Variants in BCL2 observed in about 807,000 individuals in gnomAD.
The protein encoded by BCL2 is apoptosis regulator Bcl-2.
BCL2 carries 1 observed loss-of-function variant against 14.2 expected under a neutral mutation model. The ratio of observed to expected loss-of-function variants is 0.07; its 90% CI spans 0.02 to 0.33. BCL2 has a LOEUF of 0.33. Ranked by LOEUF, BCL2 falls within the 10% of genes least tolerant of loss-of-function variation. BCL2 has a pLI of 0.99. For synonymous variants in BCL2, 151 were observed against 137.2 expected, an observed-to-expected ratio of 1.10 and a Z score of -0.70; for missense variants, 247 against 305.9, an observed-to-expected ratio of 0.81 and a Z score of 1.44.
At chr18:63,156,958 T>C (rs990866349) in intron 2 of BCL2, among the ~76,000 whole-genome samples, 3 of 152,246 alleles carry the variant, frequency 2.0e-5, no homozygotes, top group Non-Finnish European at 4.4e-5. Context: ...AGCTAGCTGG[T>C]GAGTAGCTAC....
chr18:63,166,571 C>A (rs891833846), intron 2 of BCL2, among the ~76,000 whole-genome samples: 1 of 152,192 alleles, frequency 6.6e-6, no homozygotes, highest in Non-Finnish European at 1.5e-5. Flanking sequence ...TGGTGAAATA[C>A]ATTTTTTGGA....
chr18:63,195,576 C>T (rs1228600856), intron 2 of BCL2, among the ~76,000 whole-genome samples: 2 of 152,070 alleles, frequency 1.3e-5, no homozygotes, highest in African/African-American at 2.4e-5. Flanking sequence ...TGGAGAGGAC[C>T]ACTTGGGACC....
intron 2 of BCL2, among the ~76,000 whole-genome samples, chr18:63,169,082 T>C (rs1915118508): frequency 1.3e-5 from 2 of 152,232 alleles, no homozygotes; most frequent in South Asian, 4.1e-4. Flanking sequence ...ATTCTGAGAA[T>C]CTAACATGGG....
At chr18:63,230,257 C>A (rs1910656431) in intron 2 of BCL2, among the ~76,000 whole-genome samples, 2 of 152,100 alleles carry the variant, frequency 1.3e-5, no homozygotes, top group South Asian at 4.1e-4. Context: ...CAGAAGCACA[C>A]TGCTAAATTA....
At chr18:63,178,586 C>T (rs1915403707) in intron 2 of BCL2, among the ~76,000 whole-genome samples, 1 of 152,140 alleles carries the variant, frequency 6.6e-6, no homozygotes. Flanking sequence ...ATCTCCCAAA[C>T]AAGATTTTAG....
At chr18:63,256,876 A>G (rs925246045) in intron 2 of BCL2, among the ~76,000 whole-genome samples, 18 of 152,146 alleles carry the variant, frequency 1.2e-4, no homozygotes, top group Non-Finnish European at 2.2e-4. Context: ...AACCAGACAC[A>G]TGGCCACTAA....
chr18:63,190,098 A>G (rs990071890), intron 2 of BCL2, among the ~76,000 whole-genome samples: 2 of 152,088 alleles, frequency 1.3e-5, no homozygotes, highest in Non-Finnish European at 2.9e-5. Flanking sequence ...TCTTCTCTTC[A>G]CTTCACTCTC....
At chr18:63,273,804 C>T (rs77355136) in intron 2 of BCL2, among the ~76,000 whole-genome samples, 6,818 of 152,230 alleles carry the variant, frequency 0.045, 254 homozygotes, top group African/African-American at 0.086. Context: ...GTTGTCTGAA[C>T]TTCACAGGTG....
rs188377687 is a variant in BCL2, at chr18:63,176,893, C to T, written c.586-48134G>A. Among the ~76,000 whole-genome samples, 385 of 151,694 alleles carry T rather than the reference C, an allele frequency of 2.5e-3. 1 individual carries two copies. Among genetic ancestry groups the T allele is most frequent in the Non-Finnish European group, 3.8e-3 (257 of 67,946 alleles). ...CTCTTTATCACCTCCCAACCCTTCCCGAAGAACTTGATGTTTTTCTTCTTT... is the reference window on the plus strand; with the variant it reads ...CTCTTTATCACCTCCCAACCCTTCCTGAAGAACTTGATGTTTTTCTTCTTT... On this transcript the variant is annotated intron_variant, in intron 2 of 2. Coordinates refer to ENST00000333681, the MANE Select transcript of BCL2 (RefSeq NM_000633.3).
intron 2 of BCL2, among the ~76,000 whole-genome samples, chr18:63,199,229 C>T (rs530948721): frequency 1.3e-3 from 186 of 148,260 alleles, no homozygotes; most frequent in Non-Finnish European, 1.6e-3. Context: ...ACACACTACA[C>T]AACACATGCA....
At chr18:63,258,615 G>A (rs1213448885) in intron 2 of BCL2, among the ~76,000 whole-genome samples, 1 of 152,190 alleles carries the variant, frequency 6.6e-6, no homozygotes, top group Non-Finnish European at 1.5e-5. Flanking sequence ...AGGATTGATA[G>A]CCACCTCCTC....
At chr18:63,209,443 A>T (rs1293942472) in intron 2 of BCL2, among the ~76,000 whole-genome samples, 1 of 152,178 alleles carries the variant, frequency 6.6e-6, no homozygotes, top group Non-Finnish European at 1.5e-5. Flanking sequence ...GGAACTGAAG[A>T]TGACTAAGAT....
chr18:63,169,276 C>CTTTCTTTCTTTCTT (rs1462490709), intron 2 of BCL2, among the ~76,000 whole-genome samples: 1 of 63,964 alleles, frequency 1.6e-5, no homozygotes, highest in Non-Finnish European at 2.7e-5. Flanking sequence ...TTCTTTCTTT[C>CTTTCTTTCTTTCTT]TTTCTTTCTT....
At chr18:63,171,106 T>C (rs1389327087) in intron 2 of BCL2, among the ~76,000 whole-genome samples, 2 of 152,236 alleles carry the variant, frequency 1.3e-5, no homozygotes, top group Non-Finnish European at 2.9e-5. Flanking sequence ...AAAGTGAACT[T>C]TTAAAATGTC....
intron 2 of BCL2, among the ~76,000 whole-genome samples, chr18:63,251,362 C>A (rs1264971513): frequency 6.6e-6 from 1 of 152,106 alleles, no homozygotes; most frequent in African/African-American, 2.4e-5. Flanking sequence ...TCAACCATGA[C>A]TGTGTAACCT....
In BCL2 at chr18:63,281,081, T is replaced by TC. The variant is rs1456744367; in HGVS notation, c.585+37000dup. Among the ~76,000 whole-genome samples, 3 of 152,258 alleles carry TC rather than the reference T, an allele frequency of 2.0e-5. No homozygotes were observed. The East Asian group carries it at 5.8e-4, about 29-fold the overall frequency. Reference sequence around the variant, plus strand: ...CATCATGCTTAGTGTAACAAGCCAGTCACAAGTGTGAGTCCACTTATGCGA... The same window carrying TC: ...CATCATGCTTAGTGTAACAAGCCAGTCCACAAGTGTGAGTCCACTTATGCGA... On this transcript the variant is annotated intron_variant, in intron 2 of 2. Coordinates refer to ENST00000333681, the MANE Select transcript of BCL2 (RefSeq NM_000633.3).
intron 2 of BCL2, among the ~76,000 whole-genome samples, chr18:63,181,474 C>T (rs1915479636): frequency 6.6e-6 from 1 of 152,202 alleles, no homozygotes; most frequent in Non-Finnish European, 1.5e-5. Context: ...TCACCCAGGG[C>T]GCTTGGGAAA....
At chr18:63,129,177 T>C (rs1218319034) in intron 2 of BCL2, among the ~76,000 whole-genome samples, 1 of 152,196 alleles carries the variant, frequency 6.6e-6, no homozygotes, top group Admixed American at 6.5e-5. Context: ...TGCCCATCCA[T>C]AAAAGTAATA....
At position 63,128,755 on chromosome 18, in the gene BCL2, G is replaced by C. The variant is rs1261263162; in HGVS notation, c.590C>G (p.Ala197Gly). 1.3e-6 allele frequency: 1 copy of C among 780,040 alleles called. No homozygotes were observed. The highest frequency in any genetic ancestry group is 1.3e-5 in the South Asian group (1 of 74,472). 48.3% of individuals were successfully genotyped at this position (780,040 alleles called of 1,614,324 possible). Residue 197 changes from alanine (A) to glycine (G), a missense_variant, in exon 3 of 3, where the codon GCC becomes GGC. Coordinates refer to ENST00000333681, the MANE Select transcript of BCL2 (RefSeq NM_000633.3). ...GCTGGGGCCGTACAGTTCCACAAAG[G>C]CATCCTGCAGTTGGGGGAGAGGAGG... ...TWIQDNGGWDAFVELYGPSMR... is the reference protein window; with the variant it reads ...TWIQDNGGWDGFVELYGPSMR...
Sources: allele counts gnomAD v4.1 joint callset (sites outside exome capture counted in the v4.1 genomes callset), GRCh38; gene constraint gnomAD v4.1.1; transcripts MANE v1.5; gene names NCBI Gene and HGNC (gene_info 2026-07-23, HGNC 2026-07-21).